Variants in SBSN observed in about 807,000 individuals in gnomAD.
SBSN encodes suprabasin.
In SBSN, 33 loss-of-function variants were observed where a neutral mutation model predicts 42.8. That is an observed-to-expected ratio of 0.77 (90% confidence interval 0.58 to 1.03). The LOEUF is 1.03. Among genes scored for constraint, SBSN ranks in the 50% least tolerant of loss-of-function variants. The pLI is 0.00. For missense variants in SBSN, 646 were observed against 757.3 expected, an observed-to-expected ratio of 0.85 and a Z score of 1.72; for synonymous variants, 276 against 307.0, an observed-to-expected ratio of 0.90 and a Z score of 1.06.
chr19:35,526,854 C>A lies in SBSN; in HGVS notation c.1428G>T (p.Ala476=), dbSNP rs143996088. Residue 476 remains alanine (A), a synonymous_variant, in exon 1 of 4, where the codon GCG becomes GCT. Transcript: ENST00000452271. The stretch of plus-strand genomic sequence containing the variant: ...GGACCCCAGTGTGGAACCCTTGGAC[C>A]GCTTTGTCTGCTTCCTTCCCGGCCT... The part of the protein sequence containing the change: ...LEQAGKEADK[A]VQGFHTGVHQ... The A allele has an allele frequency of 6.2e-7, 1 of 1,612,714 alleles. No homozygotes were observed. Among genetic ancestry groups the A allele is most frequent in the Non-Finnish European group, 8.5e-7 (1 of 1,179,676 alleles).
Position 35,526,940 on chromosome 19 carries a change from C to A in SBSN, c.1342G>T (p.Val448Phe). 1 of 1,586,188 alleles carries A rather than the reference C, an allele frequency of 6.3e-7. No homozygotes were observed. Among genetic ancestry groups the A allele is most frequent in the Non-Finnish European group, 8.6e-7 (1 of 1,166,148 alleles). Residue 448 changes from valine (V) to phenylalanine (F), a missense_variant, in exon 1 of 4, where the codon GTC (valine) becomes TTC (phenylalanine). Val to Phe is a conservative substitution (Grantham distance 50). Coordinates refer to ENST00000452271, the MANE Select transcript of SBSN (RefSeq NM_001166034.2). ...DIAVHGVQPG[V>F]HEAGKEAGQF... ...CCTGCCTCCTTCCCGGCCTCGTGGA[C>A]CCCAGGTTGGACACCATGAACTGCT... is the stretch of plus-strand genomic sequence containing the variant.
At chr19:35,524,221 A>C (rs2071342836) in intron 3 of SBSN, among the ~76,000 whole-genome samples, 1 of 152,114 alleles carries the variant, frequency 6.6e-6, no homozygotes, top group African/African-American at 2.4e-5. Context: ...GTTTACTTTG[A>C]GCCCCAACTG....
Position 35,527,831 on chromosome 19 carries a change from T to C in SBSN, c.451A>G (p.Lys151Glu). Residue 151 changes from lysine (K) to glutamate (E), a missense_variant, in exon 1 of 4, where the codon AAG (lysine) becomes GAG (glutamate). Coordinates refer to ENST00000452271, the MANE Select transcript of SBSN (RefSeq NM_001166034.2). ...GANQAGSEAGKFGQGVDNAAG... is the reference protein window; with the variant it reads ...GANQAGSEAGEFGQGVDNAAG... ...GCATTGTCGACTCCCTGGCCAAACT[T>C]CCCTGCCTCACTTCCCGCCTGGTTG... The C allele has an allele frequency of 6.2e-7, 1 of 1,613,750 alleles. No individual in the cohort carries two copies. The highest frequency in any genetic ancestry group is 8.5e-7 in the Non-Finnish European group (1 of 1,180,020).
At position 35,526,810 on chromosome 19, in the gene SBSN, G is replaced by T. The variant is rs557557187; in HGVS notation, c.1472C>A (p.Ala491Glu). The T allele has an allele frequency of 6.2e-7, 1 of 1,613,498 alleles. No individual in the cohort carries two copies. The highest frequency in any genetic ancestry group is 8.5e-7 in the Non-Finnish European group (1 of 1,179,912). Residue 491 changes from alanine to glutamate, a missense_variant, in exon 1 of 4, where the codon GCA (alanine) becomes GAA (glutamate). Around this residue, in one of 3 missense-constraint regions of SBSN, gnomAD observed 236 missense variants for 225.6 expected, o/e 1.05. Coordinates refer to ENST00000452271, the MANE Select transcript of SBSN (RefSeq NM_001166034.2). ...HTGVHQAGKE[A>E]EKLGQGVNHA... ...GTTGACCCCTTGGCCAAGTTTCTCT[G>T]CTTCCTTCCCAGCCTGGTGGACCCC...
At position 35,526,762 on chromosome 19, in the gene SBSN, T is replaced by C. The variant is rs1242685459; in HGVS notation, c.1520A>G (p.Lys507Arg). ...ACCTTGGCCAAGCTTCTCCACTTCC[T>C]TTCCAGCCTGGTCAGCAGCATGGTT... The part of the protein sequence containing the change: ...GVNHAADQAG[K>R]EVEKLGQGAH... Residue 507 changes from lysine to arginine, a missense_variant, in exon 1 of 4, where the codon AAG becomes AGG. By Grantham distance (26) the Lys-to-Arg change is conservative (BLOSUM62 2). Around this residue, in one of 3 missense-constraint regions of SBSN, gnomAD observed 236 missense variants for 225.6 expected, o/e 1.05. Transcript: ENST00000452271. 6.2e-7 allele frequency: 1 copy of C among 1,613,800 alleles called. No individual in the cohort carries two copies. The highest frequency in any genetic ancestry group is 2.2e-5 in the East Asian group (1 of 44,860).
rs1319186421 is a variant in SBSN at position 35,528,042 on chromosome 19, G to T, written c.240C>A (p.Gly80=). 15 of 1,613,622 alleles carry T rather than the reference G, an allele frequency of 9.3e-6. No homozygotes were observed. The highest frequency in any genetic ancestry group is 1.3e-5 in the Non-Finnish European group (15 of 1,180,014). The change falls in exon 1 of 4, where the codon GGC becomes GGA. Residue 80 remains glycine, a synonymous_variant. Coordinates refer to ENST00000452271, the MANE Select transcript of SBSN (RefSeq NM_001166034.2). ...CCTGGACGCCTTTGTCCAACTCCTTGCCGGTGTGGCTCCCCATGTTGCTAA... is the reference window on the plus strand; with the variant it reads ...CCTGGACGCCTTTGTCCAACTCCTTTCCGGTGTGGCTCCCCATGTTGCTAA... ...NGLSNMGSHT[G]KELDKGVQGL...
intron 1 of SBSN, 124 bp downstream of exon 1, chr19:35,526,519 TG>T: frequency 1.1e-6 from 1 of 886,446 alleles, no homozygotes; most frequent in Non-Finnish European, 1.7e-6. Context: ...GTGATATAGC[TG>T]CCCAAGCTTC....
chr19:35,525,087 G>C (rs115975699), intron 1 of SBSN, among the ~76,000 whole-genome samples, 163 bp from the exon 2 acceptor site: 2 of 152,152 alleles, frequency 1.3e-5, no homozygotes, highest in Non-Finnish European at 2.9e-5. Context: ...CCCAAAGCCC[G>C]TGCTCGCGTG....
Position 35,526,847 on chromosome 19 carries a change from C to T in SBSN, c.1435G>A (p.Gly479Arg). The T allele has an allele frequency of 6.2e-7, 1 of 1,613,862 alleles. No individual in the cohort carries two copies. Among genetic ancestry groups the T allele is most frequent in the Non-Finnish European group, 8.5e-7 (1 of 1,179,948 alleles). The part of the protein sequence containing the change: ...AGKEADKAVQ[G>R]FHTGVHQAGK... Reference sequence around the variant, plus strand: ...GCCTGGTGGACCCCAGTGTGGAACCCTTGGACCGCTTTGTCTGCTTCCTTC... The same window carrying T: ...GCCTGGTGGACCCCAGTGTGGAACCTTTGGACCGCTTTGTCTGCTTCCTTC... Residue 479 changes from glycine (G) to arginine (R), a missense_variant, in exon 1 of 4, where the codon GGG (glycine) becomes AGG (arginine). Gly to Arg is a moderately radical substitution (Grantham distance 125, BLOSUM62 -2). Transcript: ENST00000452271.
rs1600122621 is a variant in SBSN, at chr19:35,527,252, A to C, written c.1030T>G (p.Trp344Gly). ...TGGCCAAACTTCTCTGTCTCCTTCC[A>C]GCCCTCACTGAGACCATGGTGGACC... ...QGVHHGLSEGWKETEKFGQGV... is the reference protein window; with the variant it reads ...QGVHHGLSEGGKETEKFGQGV... Residue 344 changes from tryptophan (W) to glycine (G), a missense_variant, in exon 1 of 4, where the codon TGG becomes GGG. Coordinates refer to ENST00000452271, the MANE Select transcript of SBSN (RefSeq NM_001166034.2). The C allele has an allele frequency of 6.6e-7, 1 of 1,515,788 alleles. No homozygotes were observed. Among genetic ancestry groups the C allele is most frequent in the Non-Finnish European group, 8.8e-7 (1 of 1,138,874 alleles). 93.9% of individuals were successfully genotyped at this position (1,515,788 alleles called of 1,614,324 possible).
intron 3 of SBSN, 45 bp from the exon 4 acceptor site, chr19:35,523,578 C>G (rs1173254225): frequency 6.2e-6 from 10 of 1,605,286 alleles, no homozygotes; most frequent in Non-Finnish European, 7.7e-6. Context: ...GGTCCACAGT[C>G]ATGACGGGAC....
At chr19:35,523,555 G>A in intron 3 of SBSN, 22 bp from the exon 4 acceptor site, 1 of 1,613,976 alleles carries the variant, frequency 6.2e-7, no homozygotes, top group Non-Finnish European at 8.5e-7. Flanking sequence ...AAGGAGAGCA[G>A]GGGTGAATGT....
Position 35,527,098 on chromosome 19 carries a change from G to A in SBSN, c.1184C>T (p.Ser395Leu), listed in dbSNP as rs531111280. ...TCTGTCTTCCTCCTTCCCCACCTGC[G>A]AGGCAGCATGGTGGACACCCTGGCC... Reference protein sequence around the residue: ...KFGQGVHHAASQVGKEEDRVV... With the variant: ...KFGQGVHHAALQVGKEEDRVV... Residue 395 changes from serine to leucine, a missense_variant, in exon 1 of 4, where the codon TCG (serine) becomes TTG (leucine). By Grantham distance (145) the Ser-to-Leu change is moderately radical. Coordinates refer to ENST00000452271, the MANE Select transcript of SBSN (RefSeq NM_001166034.2). The A allele has an allele frequency of 9.1e-6, 14 of 1,533,892 alleles. No individual in the cohort carries two copies. The highest frequency in any genetic ancestry group is 5.9e-5 in the Admixed American group (3 of 50,714).
intron 1 of SBSN, among the ~76,000 whole-genome samples, chr19:35,525,736 G>A (rs908554150): frequency 3.9e-5 from 6 of 152,104 alleles, no homozygotes; most frequent in Admixed American, 3.3e-4. Context: ...AGGCTGGAGT[G>A]CAATGGTGCA....
intron 1 of SBSN, among the ~76,000 whole-genome samples, chr19:35,526,360 C>A (rs748706047): frequency 6.6e-6 from 1 of 152,052 alleles, no homozygotes; most frequent in Non-Finnish European, 1.5e-5. Context: ...CACTTGAGGC[C>A]CCCTTAACCA....
rs774466377 is a variant in SBSN, at chr19:35,528,054, C to G, written c.228G>C (p.Gly76=). 9 of 1,613,784 alleles carry G rather than the reference C, an allele frequency of 5.6e-6. No individual in the cohort carries two copies. The South Asian group carries it at 7.7e-5, about 14-fold the overall frequency. Residue 76 remains glycine (G), a synonymous_variant, in exon 1 of 4, where the codon GGG becomes GGC. Transcript: ENST00000452271. The part of the protein sequence containing the change: ...EKVFNGLSNM[G]SHTGKELDKG... Reference sequence around the variant, plus strand: ...TGTCCAACTCCTTGCCGGTGTGGCTCCCCATGTTGCTAAGTCCGTTGAAAA... The same window carrying G: ...TGTCCAACTCCTTGCCGGTGTGGCTGCCCATGTTGCTAAGTCCGTTGAAAA...
At chr19:35,524,642 CGGGAA>C in intron 3 of SBSN, 64 bp downstream of exon 3, 1 of 1,561,270 alleles carries the variant, frequency 6.4e-7, no homozygotes, top group African/African-American at 1.4e-5. Flanking sequence ...AAACAGACAC[CGGGAA>C]GGGGTCGGGG....
intron 1 of SBSN, 68 bp downstream of exon 1, chr19:35,526,576 T>TG: frequency 4.8e-6 from 4 of 833,626 alleles, no homozygotes; most frequent in Non-Finnish European, 7.0e-6. Flanking sequence ...CCGCCAAATG[T>TG]CCCAGGGGTT....
chr19:35,524,666 T>C (rs2071348287), intron 3 of SBSN, 45 bp downstream of exon 3: 1 of 1,606,152 alleles, frequency 6.2e-7, no homozygotes, highest in Non-Finnish European at 8.5e-7. Flanking sequence ...GGTGAGCGTA[T>C]CTATCAGGAC....
Sources: allele counts gnomAD v4.1 joint callset (sites outside exome capture counted in the v4.1 genomes callset), GRCh38; gene constraint gnomAD v4.1.1; regional missense constraint gnomAD v4.1.1; transcripts MANE v1.5; gene names NCBI Gene and HGNC (gene_info 2026-07-23, HGNC 2026-07-21).